The following MTTP variants were observed in gnomAD, a reference collection of about 807,000 sequenced individuals.
MTTP encodes microsomal triglyceride transfer protein large subunit.
Under a neutral mutation model 90.6 loss-of-function variants are expected in MTTP, and 49 were observed. The observed-to-expected ratio is 0.54, with a 90% confidence interval of 0.43 to 0.69. MTTP has a LOEUF of 0.69. MTTP is among the 30% of genes least tolerant of loss of function. The pLI, the probability that MTTP is intolerant of heterozygous loss-of-function variation, is 0.00. For synonymous variants in MTTP, 347 were observed against 384.2 expected (o/e 0.90, Z 1.13); for missense variants, 945 against 1,067.5 (o/e 0.89, Z 1.60).
chr4:99,622,968 G>A lies in MTTP; in HGVS notation c.*120G>A. 7.8e-7 allele frequency: 1 copy of A among 1,284,786 alleles called. No individual in the cohort carries two copies. The highest frequency in any genetic ancestry group is 1.1e-6 in the Non-Finnish European group (1 of 890,112). 79.6% of individuals were successfully genotyped at this position (1,284,786 alleles called of 1,614,324 possible). A position where few individuals can be genotyped will look rare whatever the true frequency, so the allele number is the denominator to read the frequency against. On this transcript the variant is annotated 3_prime_UTR_variant, in exon 18 of 18. Transcript: ENST00000265517. ...ATATTTACCTGTATTTAAGATTTTT[G>A]TAAAAAGCTACAAAAAACTGCAGTT...
chr4:99,585,927 T>C (rs1470723795), intron 3 of MTTP, among the ~76,000 whole-genome samples: 4 of 152,130 alleles, frequency 2.6e-5, no homozygotes, highest in Non-Finnish European at 5.9e-5. Context: ...GTCAGAAAGA[T>C]CATTACTTAA....
chr4:99,613,408 A>G (rs2110233512), intron 15 of MTTP, among the ~76,000 whole-genome samples: 1 of 152,314 alleles, frequency 6.6e-6, no homozygotes, highest in East Asian at 1.9e-4. Context: ...TTAGGACACA[A>G]CAGAATAGAG....
rs1173204302 is a variant in MTTP at position 99,580,553 on chromosome 4, C to T, written c.62-1352C>T. On this transcript the variant is annotated intron_variant, in intron 1 of 17. Transcript: ENST00000265517. ...TCGTGTCACTGCACTCCAGCCTGGC[C>T]GACAGAGTGAGACTCTGTCTCAAAA... 5.0e-5 allele frequency among the ~76,000 whole-genome samples: 5 copies of T among 99,620 alleles called. No homozygotes were observed. In the East Asian group the frequency reaches 1.4e-3, roughly 27 times the overall value. The allele number at this position is 99,620 out of a possible 152,430, so 65.4% of individuals were successfully genotyped here.
chr4:99,573,497 C>T (rs896165229), upstream of MTTP, among the ~76,000 whole-genome samples: 3 of 152,106 alleles, frequency 2.0e-5, no homozygotes, highest in Non-Finnish European at 4.4e-5. Flanking sequence ...TTGCTAGGTA[C>T]TATAGCTATA....
At chr4:99,618,179 A>G (rs974169258) in intron 15 of MTTP, among the ~76,000 whole-genome samples, 4 of 152,176 alleles carry the variant, frequency 2.6e-5, no homozygotes, top group African/African-American at 9.7e-5. Context: ...AGTGTATGGG[A>G]GGATGGGTGT....
At chr4:99,584,544 T>A (rs1043718241) in intron 3 of MTTP, among the ~76,000 whole-genome samples, 3 of 152,138 alleles carry the variant, frequency 2.0e-5, no homozygotes, top group African/African-American at 7.2e-5. Flanking sequence ...AGAAATCTTG[T>A]GTTTTCACCT....
intron 6 of MTTP, among the ~76,000 whole-genome samples, chr4:99,592,312 A>G (rs1383055963): frequency 1.3e-5 from 2 of 152,190 alleles, no homozygotes; most frequent in African/African-American, 4.8e-5. Context: ...AACACTGTAC[A>G]CTTATGCTAC....
In MTTP at chr4:99,600,733, T is replaced by G; in HGVS notation, c.1236T>G (p.Ile412Met). The G allele has an allele frequency of 6.2e-7, 1 of 1,613,392 alleles. No homozygotes were observed. Among genetic ancestry groups the G allele is most frequent in the Non-Finnish European group, 8.5e-7 (1 of 1,179,536 alleles). Residue 412 changes from isoleucine (I) to methionine (M), a missense_variant and splice_region_variant, in exon 9 of 18, where the codon ATT (isoleucine) becomes ATG (methionine). Transcript: ENST00000265517. ...ATGAAGAACTCCTGAGAGCCCTCAT[T>G]GTAAGTCAAATAGAAAATAAAGACC... Reference protein sequence around the residue: ...HPNEELLRALISKFKGSIGSS... With the variant: ...HPNEELLRALMSKFKGSIGSS...
chr4:99,587,193 C>T (rs896991599), intron 3 of MTTP, among the ~76,000 whole-genome samples: 13 of 152,126 alleles, frequency 8.5e-5, no homozygotes, highest in Non-Finnish European at 1.5e-4. Context: ...TCAATTCTAA[C>T]AGTTTTGACA....
chr4:99,614,362 ATATCT>A (rs1486621158), intron 15 of MTTP, among the ~76,000 whole-genome samples: 5 of 152,266 alleles, frequency 3.3e-5, no homozygotes. Flanking sequence ...GGGCTGGGAG[ATATCT>A]TAGGTATTAG....
chr4:99,568,034 A>G (rs1300046504), intron 1 of MTTP, among the ~76,000 whole-genome samples: 1 of 152,162 alleles, frequency 6.6e-6, no homozygotes, highest in Non-Finnish European at 1.5e-5. Context: ...GTTTTAAATA[A>G]TAGAAAATAT....
At chr4:99,583,330 G>C in intron 2 of MTTP, 44 bp from the exon 3 acceptor site, 1 of 1,602,676 alleles carries the variant, frequency 6.2e-7, no homozygotes, top group South Asian at 1.1e-5. Flanking sequence ...GATGAAGACA[G>C]ATATAGGAAG....
In MTTP at chr4:99,591,172, C is replaced by T; in HGVS notation, c.502-63C>T. On this transcript the variant is annotated intron_variant, in intron 4 of 17. Coordinates refer to ENST00000265517, the MANE Select transcript of MTTP (RefSeq NM_001386140.1). ...AGAGACCTCAATTTTCAAGCCACTT[C>T]TCACTAGAATTCAAATGGCCCACAA... is the stretch of plus-strand genomic sequence containing the variant. 4 of 1,224,960 alleles carry T rather than the reference C, an allele frequency of 3.3e-6. No individual in the cohort carries two copies. In the South Asian group the frequency reaches 4.8e-5, roughly 15 times the overall value. The allele number at this position is 1,224,960 out of a possible 1,614,324, so 75.9% of individuals were successfully genotyped here. A position where few individuals can be genotyped will look rare whatever the true frequency, so the allele number is the denominator to read the frequency against.
At chr4:99,616,789 C>T (rs899816656) in intron 15 of MTTP, among the ~76,000 whole-genome samples, 2 of 152,104 alleles carry the variant, frequency 1.3e-5, no homozygotes, top group African/African-American at 4.8e-5. Context: ...CCCAGAAATC[C>T]AAGGCACTCC....
intron 7 of MTTP, 40 bp from the exon 8 acceptor site, chr4:99,597,027 G>A (rs1725569636): frequency 1.2e-6 from 2 of 1,611,250 alleles, no homozygotes; most frequent in Admixed American, 3.3e-5. Flanking sequence ...GATGTTCACA[G>A]TTATGAGTGG....
At chr4:99,589,607 T>A in intron 3 of MTTP, 36 bp from the exon 4 acceptor site, 1 of 1,179,348 alleles carries the variant, frequency 8.5e-7, no homozygotes, top group Non-Finnish European at 1.3e-6. Flanking sequence ...GATGCATTTT[T>A]GCTTCATTTG....
At chr4:99,568,522 T>C (rs1418032797) in intron 1 of MTTP, among the ~76,000 whole-genome samples, 2 of 152,174 alleles carry the variant, frequency 1.3e-5, no homozygotes, top group Non-Finnish European at 2.9e-5. Context: ...TATGTGTTCA[T>C]AGATTGAGAG....
upstream of MTTP, among the ~76,000 whole-genome samples, chr4:99,571,016 T>A (rs1724829430): frequency 6.6e-6 from 1 of 151,960 alleles, no homozygotes; most frequent in Non-Finnish European, 1.5e-5. Flanking sequence ...TTTGTGGTAA[T>A]TTGTTATGGT....
At position 99,582,264 on chromosome 4, in the gene MTTP, C is replaced by T. The variant is rs542271893; in HGVS notation, c.249+172C>T. ...AAAGGTTTTGCTGATGAAAAGTGAA[C>T]TGATCTTTCCAAGTTATTGCAACAG... On this transcript the variant is annotated intron_variant, in intron 2 of 17. Transcript: ENST00000265517. Among the ~76,000 whole-genome samples the T allele has an allele frequency of 4.5e-4, 69 of 152,314 alleles. 1 individual carries two copies. Among genetic ancestry groups the T allele is most frequent in the Middle Eastern group, 3.4e-3 (1 of 294 alleles).
Sources: gnomAD v4.1 joint callset for allele counts (sites outside exome capture counted in the v4.1 genomes callset) on GRCh38, gnomAD v4.1.1 for gene constraint, MANE v1.5 for transcripts, NCBI Gene and HGNC (gene_info 2026-07-23, HGNC 2026-07-21) for gene names.